GRIK1: variants seen among roughly 807,000 people sequenced by gnomAD.
The protein encoded by GRIK1 is glutamate receptor ionotropic, kainate 1.
GRIK1 carries 69 observed loss-of-function variants against 105.7 expected under a neutral mutation model. That is an observed-to-expected ratio of 0.65 (90% CI 0.54 to 0.80). GRIK1 has a LOEUF of 0.80. Ranked by LOEUF, GRIK1 falls within the 30% of genes least tolerant of loss-of-function variation. The pLI is 0.00. For missense variants in GRIK1, 1,109 were observed against 1,167.3 expected (o/e 0.95, Z 0.73); for synonymous variants, 438 against 431.3 (o/e 1.02, Z -0.19).
rs1247379056 is a variant in GRIK1, at chr21:29,609,151, A to G, written c.1099-10214T>C. On this transcript the variant is annotated intron_variant, in intron 7 of 17. Transcript: ENST00000327783. ...TATTATTAAATAATAAGATAATAAT[A>G]TATTATCTTTTAATAAGATATAGCT... Among the ~76,000 whole-genome samples the G allele has an allele frequency of 2.0e-5, 3 of 150,424 alleles. No homozygotes were observed. The East Asian group carries it at 5.8e-4, about 29-fold the overall frequency.
chr21:29,869,212 G>T (rs573919371), intron 1 of GRIK1, among the ~76,000 whole-genome samples: 17 of 152,052 alleles, frequency 1.1e-4, no homozygotes, highest in Non-Finnish European at 1.8e-4. Context: ...TATTTTTACT[G>T]GTCTTTATTT....
At chr21:29,766,273 C>T (rs141876154) in intron 1 of GRIK1, among the ~76,000 whole-genome samples, 10 of 152,236 alleles carry the variant, frequency 6.6e-5, no homozygotes, top group South Asian at 2.1e-4. Context: ...GAATCACAGA[C>T]GATTTTATTG....
At chr21:29,894,375 G>A (rs923621757) in intron 1 of GRIK1, among the ~76,000 whole-genome samples, 30 of 152,116 alleles carry the variant, frequency 2.0e-4, no homozygotes, top group Non-Finnish European at 3.2e-4. Flanking sequence ...ATCAGTCCAA[G>A]AGTCCAAAAG....
intron 1 of GRIK1, among the ~76,000 whole-genome samples, chr21:29,773,979 A>G (rs902494162): frequency 1.3e-5 from 2 of 152,198 alleles, no homozygotes; most frequent in African/African-American, 4.8e-5. Flanking sequence ...TTTAGGCTAT[A>G]TGTAGCCAGA....
intron 1 of GRIK1, among the ~76,000 whole-genome samples, chr21:29,743,305 A>G (rs1050923238): frequency 6.2e-4 from 94 of 152,218 alleles, no homozygotes; most frequent in African/African-American, 2.2e-3. Context: ...AAATCAAAGA[A>G]AAAAGTTGGA....
intron 6 of GRIK1, 74 bp from the exon 7 acceptor site, chr21:29,643,043 C>T: frequency 7.0e-7 from 1 of 1,418,708 alleles, no homozygotes; most frequent in Admixed American, 1.7e-5. Flanking sequence ...AATCACTCTC[C>T]CTGCTTCCAT....
At chr21:29,548,688 A>T (rs1051274201) in intron 16 of GRIK1, among the ~76,000 whole-genome samples, 1 of 152,210 alleles carries the variant, frequency 6.6e-6, no homozygotes, top group Non-Finnish European at 1.5e-5. Flanking sequence ...GATTCATTGT[A>T]GTACTGCATT....
chr21:29,841,005 G>A (rs1364801048), intron 1 of GRIK1, among the ~76,000 whole-genome samples: 4 of 151,930 alleles, frequency 2.6e-5, no homozygotes, highest in African/African-American at 7.2e-5. Flanking sequence ...TACACTGGAT[G>A]GTCTGGCATT....
chr21:29,597,590 G>A (rs572479331), intron 8 of GRIK1: 10 of 455,082 alleles, frequency 2.2e-5, no homozygotes, highest in African/African-American at 4.0e-5. Context: ...ATGCACCATC[G>A]TGGAGACTGG....
At chr21:29,771,410 G>A (rs980755016) in intron 1 of GRIK1, among the ~76,000 whole-genome samples, 2 of 152,118 alleles carry the variant, frequency 1.3e-5, no homozygotes, top group African/African-American at 2.4e-5. Context: ...TACTAATTAC[G>A]TTTACTTTTA....
At chr21:29,727,712 G>A (rs2064504921) in intron 1 of GRIK1, among the ~76,000 whole-genome samples, 1 of 152,228 alleles carries the variant, frequency 6.6e-6, no homozygotes, top group Non-Finnish European at 1.5e-5. Flanking sequence ...GAACATGTCA[G>A]TGACCAACTG....
chr21:29,742,959 G>T (rs942440376), intron 1 of GRIK1, among the ~76,000 whole-genome samples: 2 of 151,862 alleles, frequency 1.3e-5, no homozygotes, highest in Non-Finnish European at 2.9e-5. Flanking sequence ...GTCTGTCTAG[G>T]TATGCTCTAG....
intron 1 of GRIK1, among the ~76,000 whole-genome samples, chr21:29,756,355 T>C (rs1229200510): frequency 6.6e-6 from 1 of 152,122 alleles, no homozygotes; most frequent in African/African-American, 2.4e-5. Context: ...CACTCCAGCC[T>C]GGGCAACAGA....
chr21:29,865,278 G>A (rs891159549), intron 1 of GRIK1, among the ~76,000 whole-genome samples: 1 of 143,232 alleles, frequency 7.0e-6, no homozygotes, highest in African/African-American at 2.6e-5. Context: ...AGACATAACT[G>A]TGATTATTTA....
intron 1 of GRIK1, among the ~76,000 whole-genome samples, chr21:29,746,677 G>C (rs2065057082): frequency 6.6e-6 from 1 of 152,240 alleles, no homozygotes; most frequent in African/African-American, 2.4e-5. Flanking sequence ...CTGATCTGAA[G>C]TAGGGTGTTA....
At chr21:29,917,553 A>C (rs1230235316) in intron 1 of GRIK1, among the ~76,000 whole-genome samples, 5 of 152,066 alleles carry the variant, frequency 3.3e-5, no homozygotes, top group South Asian at 2.1e-4. Flanking sequence ...AAGCATTTAC[A>C]TTGAAATGTT....
chr21:29,798,140 A>G (rs1161885117), intron 1 of GRIK1, among the ~76,000 whole-genome samples: 3 of 152,182 alleles, frequency 2.0e-5, no homozygotes, highest in Non-Finnish European at 4.4e-5. Flanking sequence ...GATCCTTTCT[A>G]TCTACTGTCT....
chr21:29,815,466 T>C (rs1000294026), intron 1 of GRIK1, among the ~76,000 whole-genome samples: 2 of 152,142 alleles, frequency 1.3e-5, no homozygotes, highest in African/African-American at 2.4e-5. Flanking sequence ...AAGGAAACTA[T>C]GACTAGGGAG....
At position 29,537,218 on chromosome 21, in the gene GRIK1, C is replaced by T. The variant is rs754142026; in HGVS notation, c.*12G>A. 1.3e-5 allele frequency: 21 copies of T among 1,571,456 alleles called. No individual in the cohort carries two copies. Among genetic ancestry groups the T allele is most frequent in the Admixed American group, 3.9e-5 (2 of 51,458 alleles). On this transcript the variant is annotated 3_prime_UTR_variant, in exon 18 of 18. Coordinates refer to ENST00000327783, the MANE Select transcript of GRIK1 (RefSeq NM_001330994.2). The stretch of plus-strand genomic sequence containing the variant: ...AATGCATCCTTTTTCTTCCTACAGG[C>T]GTTTCCTTGGATCACGCCACAGTCT...
Sources: gnomAD v4.1 joint callset for allele counts (sites outside exome capture counted in the v4.1 genomes callset) on GRCh38, gnomAD v4.1.1 for gene constraint, MANE v1.5 for transcripts, NCBI Gene and HGNC (gene_info 2026-07-23, HGNC 2026-07-21) for gene names.